ERBB4: variants seen among roughly 807,000 people sequenced by gnomAD.
ERBB4 encodes the protein erb-b2 receptor tyrosine kinase 4.
Under a neutral mutation model 158.0 loss-of-function variants are expected in ERBB4, and 42 were observed. The observed-to-expected ratio is 0.27, with a 90% CI of 0.21 to 0.34. The LOEUF (loss-of-function observed/expected upper bound fraction) is 0.34, where lower values mean the gene tolerates loss of function less well. Ranked by LOEUF, ERBB4 falls within the 10% of genes least tolerant of loss-of-function variation. The probability of loss-of-function intolerance (pLI) is 1.00; values close to 1 mark genes in which losing one functional copy is unlikely to be tolerated. For synonymous variants in ERBB4, 583 were observed against 558.7 expected, an observed-to-expected ratio of 1.04 and a Z score of -0.61; for missense variants, 1,333 against 1,624.1, an observed-to-expected ratio of 0.82 and a Z score of 3.08.
chr2:212,347,489 A>T (rs942327316), intron 1 of ERBB4, among the ~76,000 whole-genome samples: 3 of 152,122 alleles, frequency 2.0e-5, no homozygotes, highest in African/African-American at 7.2e-5. Context: ...AAATAGTGTG[A>T]CTTTATTTAA....
chr2:211,495,941 A>C lies in ERBB4; in HGVS notation c.2488-64841T>G, dbSNP rs1166679249. 3.3e-5 allele frequency among the ~76,000 whole-genome samples: 5 copies of C among 152,142 alleles called. No homozygotes were observed. In the East Asian group the frequency reaches 9.7e-4, roughly 29 times the overall value. Reference sequence around the variant, plus strand: ...TAAAAACGTAGGGTTGTCCTCTTCTATTTCTATGATCAAAAATAATCTCCA... The same window carrying C: ...TAAAAACGTAGGGTTGTCCTCTTCTCTTTCTATGATCAAAAATAATCTCCA... On this transcript the variant is annotated intron_variant, in intron 20 of 27. Transcript: ENST00000342788.
At chr2:212,191,677 TGTGTTATACATGTTACATATAACAC>T (rs1281593568) in intron 1 of ERBB4, among the ~76,000 whole-genome samples, 40,097 of 98,634 alleles carry the variant, frequency 0.41, 12,805 homozygotes, top group East Asian at 0.63. Flanking sequence ...ATATATCGCG[TGTGTTATACATGTTACATATAACAC>T]GTGTTATACA....
intron 1 of ERBB4, among the ~76,000 whole-genome samples, chr2:212,360,135 C>T (rs10497971): frequency 0.17 from 25,855 of 151,590 alleles, 2,521 homozygotes; most frequent in South Asian, 0.25. Flanking sequence ...AACAAAGAAC[C>T]TTTCTATCAC....
At chr2:212,340,289 C>G (rs1309355563) in intron 1 of ERBB4, among the ~76,000 whole-genome samples, 1 of 152,142 alleles carries the variant, frequency 6.6e-6, no homozygotes, top group Non-Finnish European at 1.5e-5. Context: ...TTTCGGGCAT[C>G]AGGAACTGGT....
chr2:211,618,083 A>T (rs1461885246), intron 19 of ERBB4, among the ~76,000 whole-genome samples: 1 of 151,988 alleles, frequency 6.6e-6, no homozygotes, highest in Admixed American at 6.6e-5. Context: ...TTTTACTCAT[A>T]GTTGGAGTTT....
At chr2:212,446,390 G>C (rs1233022660) in intron 1 of ERBB4, among the ~76,000 whole-genome samples, 2 of 150,776 alleles carry the variant, frequency 1.3e-5, no homozygotes, top group Admixed American at 1.3e-4. Context: ...GCAGAAAAAC[G>C]TGAAAAGGAG....
intron 1 of ERBB4, among the ~76,000 whole-genome samples, chr2:212,267,283 C>T (rs1188877993): frequency 6.6e-6 from 1 of 151,772 alleles, no homozygotes; most frequent in Non-Finnish European, 1.5e-5. Context: ...AATAATTCCC[C>T]ATGAAAATTA....
At chr2:211,708,263 A>C (rs755879127) in intron 9 of ERBB4, among the ~76,000 whole-genome samples, 1 of 152,170 alleles carries the variant, frequency 6.6e-6, no homozygotes, top group Non-Finnish European at 1.5e-5. Context: ...CAGTGAGAAT[A>C]AAGAATACAT....
intron 18 of ERBB4, among the ~76,000 whole-genome samples, chr2:211,619,824 T>A (rs1456571591): frequency 6.6e-6 from 1 of 152,174 alleles, no homozygotes; most frequent in Non-Finnish European, 1.5e-5. Context: ...AAGATTTATT[T>A]TTCAAAGGCA....
chr2:211,680,352 TC>T (rs1276062228), intron 12 of ERBB4, among the ~76,000 whole-genome samples: 1 of 152,184 alleles, frequency 6.6e-6, no homozygotes, highest in Non-Finnish European at 1.5e-5. Flanking sequence ...TCAAATGTTA[TC>T]CTGAGTGTCT....
chr2:212,339,953 A>G (rs1574719163), intron 1 of ERBB4, among the ~76,000 whole-genome samples: 1 of 152,138 alleles, frequency 6.6e-6, no homozygotes, highest in Admixed American at 6.6e-5. Flanking sequence ...TACACAAACA[A>G]TGATGATGCT....
intron 12 of ERBB4, among the ~76,000 whole-genome samples, chr2:211,695,772 C>T (rs2072994283): frequency 6.6e-6 from 1 of 151,836 alleles, no homozygotes; most frequent in Non-Finnish European, 1.5e-5. Context: ...TTTATCTTTC[C>T]TTTTTATCCC....
intron 1 of ERBB4, among the ~76,000 whole-genome samples, chr2:212,504,048 T>A (rs1237951926): frequency 6.6e-6 from 1 of 152,178 alleles, no homozygotes; most frequent in Non-Finnish European, 1.5e-5. Context: ...CTTAAATGGA[T>A]GTATATGGGC....
chr2:212,003,367 A>C (rs1032494191), intron 2 of ERBB4, among the ~76,000 whole-genome samples: 4 of 151,828 alleles, frequency 2.6e-5, no homozygotes, highest in Non-Finnish European at 5.9e-5. Flanking sequence ...TGATTTGAAA[A>C]ACTGAGCTAA....
At chr2:212,031,791 C>T (rs1559353234) in intron 2 of ERBB4, among the ~76,000 whole-genome samples, 2 of 152,044 alleles carry the variant, frequency 1.3e-5, no homozygotes, top group African/African-American at 2.4e-5. Context: ...ATATGTATCA[C>T]AAAATTTTTA....
At chr2:211,709,518 G>A (rs1035115871) in intron 9 of ERBB4, among the ~76,000 whole-genome samples, 1 of 151,828 alleles carries the variant, frequency 6.6e-6, no homozygotes, top group South Asian at 2.1e-4. Context: ...CAAAATTCTT[G>A]CAGTGTTTCT....
intron 20 of ERBB4, among the ~76,000 whole-genome samples, chr2:211,465,708 C>T (rs1033659723): frequency 6.6e-6 from 1 of 152,076 alleles, no homozygotes; most frequent in Admixed American, 6.6e-5. Flanking sequence ...GACAAAGAAA[C>T]CTCCTATCTG....
At chr2:212,397,224 C>A (rs993166160) in intron 1 of ERBB4, among the ~76,000 whole-genome samples, 1 of 152,112 alleles carries the variant, frequency 6.6e-6, no homozygotes. Flanking sequence ...CCTGTAATCT[C>A]AGCACTTTGA....
At chr2:212,346,632 A>G (rs1216294213) in intron 1 of ERBB4, among the ~76,000 whole-genome samples, 1 of 152,028 alleles carries the variant, frequency 6.6e-6, no homozygotes, top group Non-Finnish European at 1.5e-5. Flanking sequence ...ATGCGAAAAA[A>G]TATTGTCAAG....
Sources: allele counts gnomAD v4.1 joint callset (sites outside exome capture counted in the v4.1 genomes callset), GRCh38; gene constraint gnomAD v4.1.1; transcripts MANE v1.5; gene names NCBI Gene and HGNC (gene_info 2026-07-23, HGNC 2026-07-21).